The following KLHL32 variants were observed in gnomAD, a reference collection of about 807,000 sequenced individuals.
The protein encoded by KLHL32 is kelch like family member 32, also known as kelch-like protein 32.
Under a neutral mutation model 64.8 loss-of-function variants are expected in KLHL32, and 35 were observed. That is an observed-to-expected ratio of 0.54 (90% CI 0.41 to 0.72). The LOEUF is 0.72. Among genes scored for constraint, KLHL32 ranks in the 30% least tolerant of loss-of-function variants. The probability of loss-of-function intolerance (pLI) is 0.00; values close to 1 mark genes in which losing one functional copy is unlikely to be tolerated. For synonymous variants in KLHL32, 259 were observed against 281.0 expected (o/e 0.92, Z 0.78); for missense variants, 589 against 768.5 (o/e 0.77, Z 2.76).
chr6:96,994,740 A>G, intron 3 of KLHL32: 1 of 643,216 alleles, frequency 1.6e-6, no homozygotes, highest in African/African-American at 2.0e-5. Flanking sequence ...TCAGCCAGAT[A>G]ATAATGCTTT....
intron 6 of KLHL32, among the ~76,000 whole-genome samples, chr6:97,098,146 C>G (rs922921165): frequency 7.2e-4 from 109 of 152,258 alleles, no homozygotes; most frequent in African/African-American, 2.6e-3. Flanking sequence ...AAAAACGATA[C>G]AGACATCTAA....
At chr6:96,943,386 A>T (rs1285192186) in intron 1 of KLHL32, among the ~76,000 whole-genome samples, 1 of 70,212 alleles carries the variant, frequency 1.4e-5, no homozygotes, top group Non-Finnish European at 4.0e-5. Context: ...AAGAAGAAGT[A>T]AAAAAAAAAA....
intron 3 of KLHL32, among the ~76,000 whole-genome samples, chr6:97,003,340 G>C (rs957907329): frequency 6.8e-6 from 1 of 146,650 alleles, no homozygotes; most frequent in Non-Finnish European, 1.5e-5. Flanking sequence ...CTTTTTAATG[G>C]GGTTATTTGT....
chr6:97,052,563 G>A (rs1047973881), intron 4 of KLHL32, among the ~76,000 whole-genome samples: 14 of 152,276 alleles, frequency 9.2e-5, no homozygotes, highest in East Asian at 3.9e-4. Context: ...GCATTCCGGC[G>A]TGCAGGCTGT....
chr6:96,953,640 A>AT (rs1224674456), intron 1 of KLHL32, among the ~76,000 whole-genome samples: 1 of 152,038 alleles, frequency 6.6e-6, no homozygotes, highest in Non-Finnish European at 1.5e-5. Flanking sequence ...AAAAAAAAAA[A>AT]AGAAAATTTA....
intron 6 of KLHL32, among the ~76,000 whole-genome samples, chr6:97,085,817 A>G (rs1006457902): frequency 3.3e-5 from 5 of 152,198 alleles, no homozygotes; most frequent in African/African-American, 9.7e-5. Context: ...CTCTTCTTGC[A>G]TGGCAGTGGA....
At chr6:96,949,052 ACAC>A (rs1438459664) in intron 1 of KLHL32, among the ~76,000 whole-genome samples, 1 of 152,148 alleles carries the variant, frequency 6.6e-6, no homozygotes, top group Non-Finnish European at 1.5e-5. Flanking sequence ...AACACAGTAA[ACAC>A]CTGTTGACTC....
intron 1 of KLHL32, among the ~76,000 whole-genome samples, chr6:96,949,903 ATTGT>A (rs1208113542): frequency 6.6e-6 from 1 of 152,026 alleles, no homozygotes. Flanking sequence ...TTAAATCAAT[ATTGT>A]TTTTTCTTTT....
intron 4 of KLHL32, among the ~76,000 whole-genome samples, chr6:97,059,849 A>T (rs1023400812): frequency 6.6e-6 from 1 of 152,162 alleles, no homozygotes; most frequent in African/African-American, 2.4e-5. Context: ...AGTTCATTTG[A>T]TGATTATAAA....
At chr6:97,057,152 C>A (rs1360244880) in intron 4 of KLHL32, among the ~76,000 whole-genome samples, 1 of 144,568 alleles carries the variant, frequency 6.9e-6, no homozygotes, top group African/African-American at 2.6e-5. Context: ...ACAAAAAATG[C>A]AGTTTTCCTA....
At chr6:97,000,586 AG>A (rs1778909657) in intron 3 of KLHL32, among the ~76,000 whole-genome samples, 1 of 152,224 alleles carries the variant, frequency 6.6e-6, no homozygotes, top group Non-Finnish European at 1.5e-5. Context: ...TTTCCTTGTG[AG>A]GTAATAAATA....
intron 3 of KLHL32, among the ~76,000 whole-genome samples, chr6:97,003,507 T>G (rs1193333544): frequency 1.3e-5 from 2 of 152,068 alleles, no homozygotes; most frequent in Admixed American, 1.3e-4. Flanking sequence ...AATTAGTCAT[T>G]TATAAATTTT....
intron 5 of KLHL32, among the ~76,000 whole-genome samples, chr6:97,082,810 C>G (rs1487029884): frequency 6.6e-6 from 1 of 151,958 alleles, no homozygotes; most frequent in Non-Finnish European, 1.5e-5. Flanking sequence ...TAGTTTTTAT[C>G]TTAATTCTAT....
intron 3 of KLHL32, among the ~76,000 whole-genome samples, chr6:96,994,252 C>G (rs1370235353): frequency 6.6e-6 from 1 of 152,138 alleles, no homozygotes; most frequent in African/African-American, 2.4e-5. Flanking sequence ...AGTATCCTGT[C>G]TTAGTAATTT....
chr6:97,068,798 T>TGC (rs1362286770), intron 5 of KLHL32, among the ~76,000 whole-genome samples: 80 of 152,350 alleles, frequency 5.3e-4, no homozygotes, highest in South Asian at 2.5e-3. Context: ...ATTAAATACA[T>TGC]CGTATTAAAC....
the KLHL32 span, among the ~76,000 whole-genome samples, chr6:96,919,473 GTTTCA>G: frequency 6.6e-6 from 1 of 152,124 alleles, no homozygotes; most frequent in Non-Finnish European, 1.5e-5. Context: ...ATTCATATGT[GTTTCA>G]TTTGTTTGTT....
chr6:97,120,527 G>T (rs1419090726), intron 7 of KLHL32, among the ~76,000 whole-genome samples: 1 of 152,214 alleles, frequency 6.6e-6, no homozygotes, highest in Non-Finnish European at 1.5e-5. Context: ...ACTGAAGAAG[G>T]CAGATCTGTG....
At chr6:97,054,773 G>T (rs1787526662) in intron 4 of KLHL32, among the ~76,000 whole-genome samples, 1 of 152,142 alleles carries the variant, frequency 6.6e-6, no homozygotes, top group South Asian at 2.1e-4. Flanking sequence ...TCATGTATCT[G>T]TCAAAGTAGG....
chr6:96,963,161 C>T (rs1343728736), intron 1 of KLHL32, among the ~76,000 whole-genome samples: 2 of 152,130 alleles, frequency 1.3e-5, no homozygotes, highest in Non-Finnish European at 2.9e-5. Flanking sequence ...ATCACAGATA[C>T]ATGTGGGGGC....
Sources: allele counts gnomAD v4.1 joint callset (sites outside exome capture counted in the v4.1 genomes callset), GRCh38; gene constraint gnomAD v4.1.1; transcripts MANE v1.5; gene names NCBI Gene and HGNC (gene_info 2026-07-23, HGNC 2026-07-21).